The following SLC44A2 variants were observed in gnomAD, a reference collection of about 807,000 sequenced individuals.
SLC44A2 encodes choline transporter-like protein 2.
Under a neutral mutation model 90.8 loss-of-function variants are expected in SLC44A2, and 57 were observed. That is an observed-to-expected ratio of 0.63 (90% confidence interval 0.51 to 0.78). The LOEUF is 0.78. SLC44A2 is among the 30% of genes least tolerant of loss of function. SLC44A2 has a pLI of 0.00. For synonymous variants in SLC44A2, 355 were observed against 360.7 expected (o/e 0.98, Z 0.18); for missense variants, 794 against 919.7 (o/e 0.86, Z 1.77).
intron 16 of SLC44A2, 130 bp from the exon 17 acceptor site, chr19:10,637,514 T>A: frequency 1.3e-6 from 1 of 783,652 alleles, no homozygotes; most frequent in Non-Finnish European, 2.1e-6. Context: ...TGGGCTTAAG[T>A]CCCTGTCTCT....
chr19:10,631,604 T>C, intron 7 of SLC44A2, 22 bp from the exon 8 acceptor site: 1 of 1,613,938 alleles, frequency 6.2e-7, no homozygotes, highest in Non-Finnish European at 8.5e-7. Flanking sequence ...GCCTGACTGG[T>C]GCCATCCTCT....
chr19:10,642,550 C>A lies in SLC44A2; in HGVS notation c.2014+99C>A. ...AACGGGGCAACACGCTTGCCTGCCC[C>A]CAGCTTCCCCAGGGCTTGGCTGTCC... On this transcript the variant is annotated intron_variant, in intron 21 of 21. Transcript: ENST00000335757. 2.7e-6 allele frequency: 3 copies of A among 1,115,594 alleles called. No individual in the cohort carries two copies. The South Asian group carries it at 3.8e-5, about 14-fold the overall frequency. The allele number at this position is 1,115,594 out of a possible 1,614,324, so 69.1% of individuals were successfully genotyped here.
Position 10,643,569 on chromosome 19 carries a change from G to A in SLC44A2, c.*184G>A. ...TGGGGCATCTCCTTCTTATGCCAAG[G>A]GGCGCTTGGAGTTTTCATGGCTGCC... On this transcript the variant is annotated 3_prime_UTR_variant, in exon 22 of 22. Transcript: ENST00000335757. 2 of 665,070 alleles carry A rather than the reference G, an allele frequency of 3.0e-6. No homozygotes were observed. Among genetic ancestry groups the A allele is most frequent in the South Asian group, 4.8e-5 (2 of 42,076 alleles). The allele number at this position is 665,070 out of a possible 1,614,324, so 41.2% of individuals were successfully genotyped here.
intron 1 of SLC44A2, among the ~76,000 whole-genome samples, chr19:10,617,921 A>G (rs895591292): frequency 3.3e-5 from 5 of 152,136 alleles, no homozygotes; most frequent in South Asian, 4.1e-4. Context: ...CTTACTGCCT[A>G]TCTGATGGTA....
chr19:10,625,409 G>T (rs2066921732), upstream of SLC44A2: 1 of 1,162,806 alleles, frequency 8.6e-7, no homozygotes, highest in Admixed American at 4.4e-5. Context: ...CGGCCGGCCG[G>T]TGAGTGGCGG....
Position 10,643,371 on chromosome 19 carries a change from G to C in SLC44A2, c.2107G>C (p.Ala703Pro). ...KKLLNKTNKK[A>P]AES is the part of the protein sequence containing the mutation. ...ACTCTTGAACAAGACCAACAAGAAG[G>C]CAGCGGAGTCCTGAAGGCCCCGTGC... Residue 703 changes from alanine (A) to proline (P), a missense_variant, in exon 22 of 22, where the codon GCA becomes CCA. Coordinates refer to ENST00000335757, the MANE Select transcript of SLC44A2 (RefSeq NM_020428.4). The C allele has an allele frequency of 3.1e-6, 5 of 1,612,258 alleles. No individual in the cohort carries two copies. Among genetic ancestry groups the C allele is most frequent in the Non-Finnish European group, 4.2e-6 (5 of 1,179,040 alleles).
chr19:10,632,938 C>G (rs1241770584), intron 10 of SLC44A2, among the ~76,000 whole-genome samples: 1 of 151,932 alleles, frequency 6.6e-6, no homozygotes, highest in Non-Finnish European at 1.5e-5. Context: ...TCCCAAAGTG[C>G]TAGGATTACA....
chr19:10,631,632 G>C lies in SLC44A2; in HGVS notation c.509G>C (p.Arg170Pro), dbSNP rs377075783. The C allele has an allele frequency of 1.2e-6, 2 of 1,613,750 alleles. No homozygotes were observed. The highest frequency in any genetic ancestry group is 1.7e-6 in the Non-Finnish European group (2 of 1,179,994). ...CATCCTCTGCTCCATGCAGTGGCCC[G>C]GAGATGCTTCCCCGCTATCCACGCC... is the stretch of plus-strand genomic sequence containing the variant. ...AVLIPSKPLA[R>P]RCFPAIHAYK... Residue 170 changes from arginine (R) to proline (P), a missense_variant, in exon 8 of 22, where the codon CGG (arginine) becomes CCG (proline). Arg to Pro is a moderately radical substitution (Grantham distance 103). Around this residue, in one of 3 missense-constraint regions of SLC44A2, gnomAD observed 738 missense variants for 841.1 expected, o/e 0.88. Coordinates refer to ENST00000335757, the MANE Select transcript of SLC44A2 (RefSeq NM_020428.4).
Position 10,631,004 on chromosome 19 carries a change from T to TC in SLC44A2, c.246-52dup, listed in dbSNP as rs1555761221. On this transcript the variant is annotated intron_variant, in intron 4 of 21. Transcript: ENST00000335757. ...TGGGCAACAAGAGCGAGACTCTGTC[T>TC]CAAAAAAAAAAAAAAATCTTAACAG... The TC allele has an allele frequency of 1.1e-5, 14 of 1,300,328 alleles. No individual in the cohort carries two copies. The African/African-American group carries it at 2.6e-4, about 24-fold the overall frequency. The allele number at this position is 1,300,328 out of a possible 1,614,324, so 80.5% of individuals were successfully genotyped here. A position where few individuals can be genotyped will look rare whatever the true frequency, so the allele number is the denominator to read the frequency against.
At position 10,615,659 on chromosome 19, in the gene SLC44A2, G is replaced by A. The variant is rs2066849618; in HGVS notation, c.32-10594G>A. On this transcript the variant is annotated intron_variant, in intron 1 of 21. Transcript: ENST00000407327. ...GAGGGGTTGGTCTTGCTGTCTCAGG[G>A]GTAACAGAGGCAGAAGAAAAATTGT... Among the ~76,000 whole-genome samples the A allele has an allele frequency of 2.0e-5, 3 of 152,146 alleles. No individual in the cohort carries two copies. The South Asian group carries it at 6.2e-4, about 32-fold the overall frequency.
chr19:10,619,483 C>T (rs1446622045), intron 1 of SLC44A2, among the ~76,000 whole-genome samples: 17 of 148,328 alleles, frequency 1.1e-4, no homozygotes, highest in Non-Finnish European at 3.0e-5. Flanking sequence ...CCTACTTTGG[C>T]TCAGGAGGCT....
chr19:10,631,838 C>T (rs758742900), intron 8 of SLC44A2, 30 bp from the exon 9 acceptor site: 1 of 1,614,202 alleles, frequency 6.2e-7, no homozygotes, highest in Non-Finnish European at 8.5e-7. Flanking sequence ...GGAAGAGGGT[C>T]TGACCCGAGC....
intron 1 of SLC44A2, among the ~76,000 whole-genome samples, chr19:10,615,026 CA>C (rs1295564810): frequency 7.2e-6 from 1 of 139,340 alleles, no homozygotes; most frequent in East Asian, 2.1e-4. Flanking sequence ...TAAGTTGGTG[CA>C]AAAGTAATTG....
chr19:10,625,693 A>G (rs1455099234), intron 1 of SLC44A2, 23 bp downstream of exon 1: 2 of 1,247,154 alleles, frequency 1.6e-6, no homozygotes, highest in Non-Finnish European at 2.0e-6. Context: ...CCCCGCCCGT[A>G]GCCCCGGGCC....
Position 10,634,895 on chromosome 19 carries a change from A to G in SLC44A2, c.955+8A>G. On this transcript the variant is annotated splice_region_variant and intron_variant, in intron 11 of 21. Coordinates refer to ENST00000335757, the MANE Select transcript of SLC44A2 (RefSeq NM_020428.4). ...AGACCTGGTTGGCCTTTAGTGAGTC[A>G]CAGTCTCCCATTCCTGCCCCCACAT... 1.9e-6 allele frequency: 3 copies of G among 1,614,160 alleles called. No individual in the cohort carries two copies. The South Asian group carries it at 3.3e-5, about 18-fold the overall frequency.
chr19:10,616,241 CAG>C (rs973572692), intron 1 of SLC44A2, among the ~76,000 whole-genome samples: 5 of 151,784 alleles, frequency 3.3e-5, no homozygotes, highest in African/African-American at 7.3e-5. Context: ...TCAATATACA[CAG>C]TGAGAAAGAC....
chr19:10,621,920 C>T (rs1292644381), upstream of SLC44A2, among the ~76,000 whole-genome samples: 1 of 152,144 alleles, frequency 6.6e-6, no homozygotes, highest in African/African-American at 2.4e-5. Context: ...CCTGGCCTCA[C>T]CTGGCTAATT....
chr19:10,613,988 C>T (rs554137273), intron 1 of SLC44A2, among the ~76,000 whole-genome samples: 8 of 151,880 alleles, frequency 5.3e-5, no homozygotes, highest in South Asian at 2.1e-4. Flanking sequence ...ATTTTTGAGA[C>T]GAGTTTTGCT....
At chr19:10,612,612 C>A (rs1918337268) in intron 1 of SLC44A2, among the ~76,000 whole-genome samples, 1 of 152,210 alleles carries the variant, frequency 6.6e-6, no homozygotes, top group African/African-American at 2.4e-5. Flanking sequence ...ACGGGTGAGG[C>A]CTTGGGCCGC....
Sources: allele counts gnomAD v4.1 joint callset (sites outside exome capture counted in the v4.1 genomes callset), GRCh38; gene constraint gnomAD v4.1.1; regional missense constraint gnomAD v4.1.1; transcripts MANE v1.5; gene names NCBI Gene and HGNC (gene_info 2026-07-23, HGNC 2026-07-21).